ALS2: variants seen among roughly 807,000 people sequenced by gnomAD.
ALS2 encodes alsin.
Under a neutral mutation model 203.4 loss-of-function variants are expected in ALS2, and 117 were observed. The observed-to-expected ratio is 0.58, with a 90% confidence interval of 0.50 to 0.67. ALS2 has a LOEUF of 0.67. Among genes scored for constraint, ALS2 ranks in the 30% least tolerant of loss-of-function variants. ALS2 has a pLI of 0.00. For missense variants in ALS2, 1,715 were observed against 1,989.4 expected (o/e 0.86, Z 2.62); for synonymous variants, 718 against 725.9 (o/e 0.99, Z 0.17).
At chr2:201,714,764 G>A (rs545530320) in intron 25 of ALS2, among the ~76,000 whole-genome samples, 1 of 152,182 alleles carries the variant, frequency 6.6e-6, no homozygotes, top group African/African-American at 2.4e-5. Flanking sequence ...TCTGGGACCT[G>A]AGTGGTCAAC....
chr2:201,715,239 C>CT (rs764980482), intron 25 of ALS2, among the ~76,000 whole-genome samples: 19 of 152,288 alleles, frequency 1.2e-4, no homozygotes, highest in South Asian at 4.1e-4. Flanking sequence ...ATCAACCACT[C>CT]TGAGTTTTAG....
In ALS2 at chr2:201,706,859, G is replaced by A. The variant is rs1233972840; in HGVS notation, c.4567C>T (p.Leu1523Phe). ...KQPDIALLGF[L>F]GVQRKFWPAT... ...TACTACACTTACCTCTGCACCCCAA[G>A]AAAGCCCAGGAGAGCAATATCTGGC... Residue 1523 changes from leucine to phenylalanine, a missense_variant, in exon 29 of 34, where the codon CTT becomes TTT. This residue lies in a region of ALS2 where 1,227 missense variants were observed against 1,413.5 expected (regional missense o/e 0.87). Transcript: ENST00000264276. 1 of 1,613,834 alleles carries A rather than the reference G, an allele frequency of 6.2e-7. No individual in the cohort carries two copies. Among genetic ancestry groups the A allele is most frequent in the Non-Finnish European group, 8.5e-7 (1 of 1,179,968 alleles).
At chr2:201,737,557 A>G (rs2106032766) in intron 12 of ALS2, among the ~76,000 whole-genome samples, 1 of 152,360 alleles carries the variant, frequency 6.6e-6, no homozygotes, top group Admixed American at 6.5e-5. Flanking sequence ...GTGAAATATT[A>G]AAAGTATTCT....
chr2:201,727,446 TC>T (rs1480044025), intron 16 of ALS2, among the ~76,000 whole-genome samples, 168 bp from the exon 17 acceptor site: 3 of 152,236 alleles, frequency 2.0e-5, no homozygotes, highest in Non-Finnish European at 2.9e-5. Context: ...CAAAGAATTC[TC>T]TGCTCTGTGC....
intron 4 of ALS2, among the ~76,000 whole-genome samples, chr2:201,758,756 G>GCA (rs1210149408): frequency 6.3e-5 from 5 of 79,932 alleles, no homozygotes; most frequent in Non-Finnish European, 1.5e-4. Flanking sequence ...GTGTGTGTGT[G>GCA]CGCATGTGTG....
chr2:201,770,005 C>A (rs1694301436), intron 1 of ALS2, among the ~76,000 whole-genome samples: 1 of 152,146 alleles, frequency 6.6e-6, no homozygotes, highest in South Asian at 2.1e-4. Flanking sequence ...ACTATGTTAA[C>A]AAGAGATATA....
intron 26 of ALS2, 49 bp downstream of exon 26, chr2:201,710,942 A>T: frequency 9.4e-7 from 1 of 1,067,086 alleles, no homozygotes; most frequent in Non-Finnish European, 1.5e-6. Flanking sequence ...ATATTGTGGT[A>T]GGTGAATCAT....
intron 25 of ALS2, among the ~76,000 whole-genome samples, chr2:201,712,279 G>C (rs1690079481): frequency 6.6e-6 from 1 of 152,130 alleles, no homozygotes; most frequent in Admixed American, 6.5e-5. Context: ...TAAAGTTCCT[G>C]AAGTATCTTT....
chr2:201,708,029 C>T, intron 27 of ALS2, 38 bp from the exon 28 acceptor site: 1 of 1,576,650 alleles, frequency 6.3e-7, no homozygotes, highest in Non-Finnish European at 8.7e-7. Flanking sequence ...ACAATTATAC[C>T]TCTAGGGGGG....
chr2:201,720,638 CAGG>C (rs1690721569), intron 23 of ALS2, among the ~76,000 whole-genome samples: 1 of 151,576 alleles, frequency 6.6e-6, no homozygotes, highest in South Asian at 2.1e-4. Context: ...CGCTTGAGCC[CAGG>C]AGGTTGAGGC....
chr2:201,714,206 A>G (rs1451614649), intron 25 of ALS2, among the ~76,000 whole-genome samples: 2 of 152,248 alleles, frequency 1.3e-5, no homozygotes, highest in Non-Finnish European at 2.9e-5. Flanking sequence ...TAAAAGTTCC[A>G]TATACTGACA....
At chr2:201,719,821 G>T (rs1317847311) in intron 23 of ALS2, among the ~76,000 whole-genome samples, 2 of 152,076 alleles carry the variant, frequency 1.3e-5, no homozygotes, top group Non-Finnish European at 2.9e-5. Flanking sequence ...AGACAGAATG[G>T]AATACTAAGA....
intron 10 of ALS2, among the ~76,000 whole-genome samples, chr2:201,743,203 A>G (rs1286940648): frequency 1.3e-5 from 2 of 152,138 alleles, no homozygotes; most frequent in Non-Finnish European, 2.9e-5. Flanking sequence ...TGCAGGAGAG[A>G]GAAAGAGAAA....
chr2:201,774,562 T>C (rs1694569210), intron 1 of ALS2, among the ~76,000 whole-genome samples: 2 of 152,188 alleles, frequency 1.3e-5, no homozygotes, highest in Non-Finnish European at 2.9e-5. Flanking sequence ...GGTAGAGAAA[T>C]GTGTTGAGTG....
At chr2:201,759,640 C>T (rs1437412013) in intron 4 of ALS2, 1 of 984,842 alleles carries the variant, frequency 1.0e-6, no homozygotes, top group Non-Finnish European at 1.2e-6. Flanking sequence ...TACCTTTCTC[C>T]AAACAGCTTA....
At chr2:201,731,206 T>A (rs1230664180) in intron 13 of ALS2, among the ~76,000 whole-genome samples, 2 of 152,122 alleles carry the variant, frequency 1.3e-5, no homozygotes, top group Non-Finnish European at 1.5e-5. Context: ...TTAATGAGTA[T>A]CTACCACATA....
rs371662054 is a variant in ALS2, at chr2:201,757,428, A to G, written c.1445T>C (p.Leu482Pro). 1.9e-6 allele frequency: 3 copies of G among 1,613,790 alleles called. No homozygotes were observed. Among genetic ancestry groups the G allele is most frequent in the Non-Finnish European group, 2.5e-6 (3 of 1,179,808 alleles). ...EEETEGGSRR[L>P]SLPGLLSQVS... The stretch of plus-strand genomic sequence containing the variant: ...TTGTGACAACAATCCAGGGAGGGAG[A>G]GTCTTCGACTGCCTCCCTCTGTTTC... The change falls in exon 5 of 34, where the codon CTC becomes CCC. Residue 482 changes from leucine to proline, a missense_variant. This residue lies in a region of ALS2 where 12 missense variants were observed against 36.6 expected (regional missense o/e 0.33). Transcript: ENST00000264276.
At chr2:201,759,462 A>ATAAATTAAAT in intron 4 of ALS2, 1 of 929,562 alleles carries the variant, frequency 1.1e-6, no homozygotes, top group Non-Finnish European at 1.3e-6. Context: ...TTTAATTTAA[A>ATAAATTAAAT]TAAATTAAAT....
intron 29 of ALS2, 140 bp downstream of exon 29, chr2:201,706,706 C>A: frequency 1.3e-6 from 1 of 777,822 alleles, no homozygotes; most frequent in Non-Finnish European, 2.1e-6. Flanking sequence ...TTAACTATCA[C>A]TATTTTGTTA....
Sources: gnomAD v4.1 joint callset for allele counts (sites outside exome capture counted in the v4.1 genomes callset) on GRCh38, gnomAD v4.1.1 for gene constraint, gnomAD v4.1.1 regional missense constraint, MANE v1.5 for transcripts, NCBI Gene and HGNC (gene_info 2026-07-23, HGNC 2026-07-21) for gene names.